Variants in ZC3H12B observed in about 807,000 individuals in gnomAD.
ZC3H12B encodes the protein probable ribonuclease ZC3H12B.
A neutral mutation model predicts 43.9 loss-of-function variants in ZC3H12B; 7 were observed. That is an observed-to-expected ratio of 0.16 (90% CI 0.09 to 0.30). The LOEUF (loss-of-function observed/expected upper bound fraction) is 0.30. ZC3H12B is among the 10% of genes least tolerant of loss of function. The pLI is 1.00. For synonymous variants in ZC3H12B, 222 were observed against 241.7 expected, an observed-to-expected ratio of 0.92 and a Z score of 0.76; for missense variants, 475 against 670.2, an observed-to-expected ratio of 0.71 and a Z score of 3.22.
chrX:65,495,416 T>G (rs992788293), intron 1 of ZC3H12B, among the ~76,000 whole-genome samples: 1 of 111,771 alleles, frequency 8.9e-6, no homozygotes, highest in Non-Finnish European at 1.9e-5. Context: ...TATGTTGGAG[T>G]TCATTTTTGT....
the ZC3H12B span, among the ~76,000 whole-genome samples, chrX:65,107,691 G>T: frequency 2.7e-5 from 3 of 110,861 alleles, no homozygotes; most frequent in Non-Finnish European, 3.8e-5. Context: ...GTTCTCACGA[G>T]ATCTGATGGT....
chrX:65,341,158 G>GA, the ZC3H12B span, among the ~76,000 whole-genome samples: 2 of 111,474 alleles, frequency 1.8e-5, no homozygotes, highest in African/African-American at 6.5e-5. Flanking sequence ...CAAGAATAGA[G>GA]AAAAAAGAAT....
chrX:65,374,154 G>GTA (rs1244253389), intron 2 of ZC3H12B, among the ~76,000 whole-genome samples: 22 of 74,703 alleles, frequency 2.9e-4, no homozygotes, highest in Non-Finnish European at 9.4e-5. Context: ...TATATACAGT[G>GTA]TATATATATA....
intron 3 of ZC3H12B, chrX:65,469,232 A>T (rs1315804942): frequency 8.5e-6 from 2 of 235,809 alleles, no homozygotes; most frequent in Non-Finnish European, 1.6e-5. Flanking sequence ...ACAAGCTGCA[A>T]AGGGGCAAGT....
At chrX:65,456,865 C>A (rs2067624220) in intron 3 of ZC3H12B, among the ~76,000 whole-genome samples, 1 of 109,462 alleles carries the variant, frequency 9.1e-6, no homozygotes, top group African/African-American at 3.3e-5. Context: ...AGCCGCCACC[C>A]CGTCTGGGAA....
At chrX:65,381,753 A>T in intron 2 of ZC3H12B, among the ~76,000 whole-genome samples, 1 of 112,255 alleles carries the variant, frequency 8.9e-6, no homozygotes, top group Non-Finnish European at 1.9e-5. Context: ...CACATGCAAT[A>T]AAAAATGATA....
the ZC3H12B span, among the ~76,000 whole-genome samples, chrX:65,206,644 A>G: frequency 2.2e-5 from 2 of 90,269 alleles, no homozygotes; most frequent in African/African-American, 1.0e-4. Flanking sequence ...AACACAACAA[A>G]AATAAAATAA....
chrX:65,077,441 A>G, the ZC3H12B span, among the ~76,000 whole-genome samples: 1 of 112,193 alleles, frequency 8.9e-6, no homozygotes, highest in African/African-American at 3.2e-5. Context: ...GGACTGCTGG[A>G]GCTTCACTGC....
chrX:65,132,035 G>A, the ZC3H12B span, among the ~76,000 whole-genome samples: 7 of 111,963 alleles, frequency 6.3e-5, no homozygotes, highest in Admixed American at 6.6e-4. Flanking sequence ...GTACAGCCCA[G>A]GTAAGCTGCT....
At chrX:65,472,862 T>TATA (rs2067938953) in intron 3 of ZC3H12B, among the ~76,000 whole-genome samples, 1 of 70,924 alleles carries the variant, frequency 1.4e-5, no homozygotes, top group African/African-American at 6.3e-5. Flanking sequence ...ATATATATGT[T>TATA]TGTGTATATA....
chrX:65,268,753 C>T, the ZC3H12B span, among the ~76,000 whole-genome samples: 3 of 111,459 alleles, frequency 2.7e-5, no homozygotes, highest in Admixed American at 1.9e-4. Flanking sequence ...AATCCTTCAA[C>T]ATAATAAAGG....
chrX:65,499,461 T>C, intron 3 of ZC3H12B, among the ~76,000 whole-genome samples: 1 of 111,754 alleles, frequency 8.9e-6, no homozygotes, highest in Non-Finnish European at 1.9e-5. Context: ...AAAATTTGTT[T>C]TTTAAAAATT....
At chrX:65,188,930 A>G in the ZC3H12B span, among the ~76,000 whole-genome samples, 180 of 92,252 alleles carry the variant, frequency 2.0e-3, 1 homozygote, top group African/African-American at 6.7e-3. Flanking sequence ...ATATCTCCCA[A>G]TGCTATCCCT....
chrX:65,499,319 G>A (rs1276403150), intron 3 of ZC3H12B, 86 bp downstream of exon 8: 2 of 742,036 alleles, frequency 2.7e-6, no homozygotes, highest in African/African-American at 2.1e-5. Context: ...CACTTACTGT[G>A]TATCATACAT....
the ZC3H12B span, among the ~76,000 whole-genome samples, chrX:65,207,335 C>A: frequency 1.8e-5 from 2 of 109,410 alleles, no homozygotes; most frequent in Non-Finnish European, 3.8e-5. Context: ...CATTTGAAGC[C>A]ACCCGGATGG....
At chrX:65,174,454 TA>T in the ZC3H12B span, among the ~76,000 whole-genome samples, 1 of 112,024 alleles carries the variant, frequency 8.9e-6, no homozygotes, top group African/African-American at 3.2e-5. Context: ...CAGGAATGTT[TA>T]AGTCCACTGA....
the ZC3H12B span, among the ~76,000 whole-genome samples, chrX:65,213,879 T>TA: frequency 0.013 from 1,330 of 101,928 alleles, 17 homozygotes; most frequent in African/African-American, 0.046. Flanking sequence ...GAAGGCAACG[T>TA]AAAAAAAAAA....
chrX:65,462,378 G>C (rs1052279111), intron 3 of ZC3H12B, among the ~76,000 whole-genome samples: 1 of 110,703 alleles, frequency 9.0e-6, no homozygotes, highest in Non-Finnish European at 1.9e-5. Context: ...CGGGCGTAGC[G>C]ACAGGCGCCT....
the ZC3H12B span, among the ~76,000 whole-genome samples, chrX:65,141,533 T>C: frequency 1.8e-5 from 2 of 109,361 alleles, no homozygotes; most frequent in Non-Finnish European, 1.9e-5. Flanking sequence ...TAATTTTTTA[T>C]TTCCATAGGT....
Sources: gnomAD v4.1 joint callset for allele counts (sites outside exome capture counted in the v4.1 genomes callset) on GRCh38, gnomAD v4.1.1 for gene constraint, MANE v1.5 for transcripts, NCBI Gene and HGNC (gene_info 2026-07-23, HGNC 2026-07-21) for gene names.